AGPAT5: variants seen among roughly 807,000 people sequenced by gnomAD.
AGPAT5 encodes 1-acylglycerol-3-phosphate O-acyltransferase 5.
In AGPAT5, 46 loss-of-function variants were observed where a neutral mutation model predicts 45.6. The ratio of observed to expected loss-of-function variants is 1.01; its 90% CI spans 0.80 to 1.29. The LOEUF is 1.29. Ranked by LOEUF, AGPAT5 falls within the 50% of genes most tolerant of loss-of-function variation. The probability of loss-of-function intolerance (pLI) is 0.00; values close to 1 mark genes in which losing one functional copy is unlikely to be tolerated. For synonymous variants in AGPAT5, 272 were observed against 167.0 expected (o/e 1.63, Z -4.85); for missense variants, 673 against 450.7 (o/e 1.49, Z -4.47).
chr8:6,747,891 G>C, intron 6 of AGPAT5, 63 bp downstream of exon 6: 1 of 1,477,200 alleles, frequency 6.8e-7, no homozygotes. Flanking sequence ...TGTTTATGTA[G>C]AATTCAGTTT....
intron 1 of AGPAT5, among the ~76,000 whole-genome samples, chr8:6,711,914 GGAT>G (rs1800167934): frequency 1.3e-5 from 2 of 152,110 alleles, no homozygotes; most frequent in African/African-American, 4.8e-5. Context: ...GGATATTCCG[GGAT>G]GATCTCTTCA....
Position 6,729,147 on chromosome 8 carries a change from G to C in AGPAT5, c.290-1564G>C, listed in dbSNP as rs958164504. On this transcript the variant is annotated intron_variant, in intron 2 of 7. Coordinates refer to ENST00000285518, the MANE Select transcript of AGPAT5 (RefSeq NM_018361.5). Reference sequence around the variant, plus strand: ...TTAAAAAGAGAGATGTATAATAATGGATAAGAGATTTTTCTTGGTTAATTT... The same window carrying C: ...TTAAAAAGAGAGATGTATAATAATGCATAAGAGATTTTTCTTGGTTAATTT... 2.0e-5 allele frequency among the ~76,000 whole-genome samples: 3 copies of C among 152,124 alleles called. No homozygotes were observed. The South Asian group carries it at 6.2e-4, about 32-fold the overall frequency.
At chr8:6,724,980 A>G (rs1317020867) in intron 2 of AGPAT5, 41 bp downstream of exon 2, 2 of 775,918 alleles carry the variant, frequency 2.6e-6, no homozygotes, top group Non-Finnish European at 3.6e-6. Flanking sequence ...TTTTCTACAG[A>G]TGGCACATGG....
intron 1 of AGPAT5, among the ~76,000 whole-genome samples, chr8:6,716,340 C>G (rs990272293): frequency 2.0e-5 from 3 of 152,030 alleles, no homozygotes; most frequent in Non-Finnish European, 4.4e-5. Flanking sequence ...GGGTGGATCA[C>G]TTGAGGTCAG....
intron 6 of AGPAT5, among the ~76,000 whole-genome samples, chr8:6,749,406 A>G (rs770919482): frequency 3.3e-5 from 5 of 152,224 alleles, no homozygotes; most frequent in Non-Finnish European, 7.3e-5. Context: ...TAAAGTAGAA[A>G]ACTAAGGTGT....
At chr8:6,714,143 A>G (rs967420018) in intron 1 of AGPAT5, among the ~76,000 whole-genome samples, 3 of 152,182 alleles carry the variant, frequency 2.0e-5, no homozygotes, top group Non-Finnish European at 1.5e-5. Flanking sequence ...TCTGATACCT[A>G]TAGTCCTAAC....
intron 5 of AGPAT5, chr8:6,745,275 A>G: frequency 6.5e-6 from 1 of 154,482 alleles, no homozygotes; most frequent in Non-Finnish European, 1.5e-5. Context: ...CCCTGTCTCC[A>G]TCGTTGCCTC....
intron 2 of AGPAT5, among the ~76,000 whole-genome samples, chr8:6,728,624 C>T (rs1309043653): frequency 2.6e-5 from 4 of 152,070 alleles, no homozygotes; most frequent in Non-Finnish European, 5.9e-5. Flanking sequence ...TTTTAAAATT[C>T]TTCCAAATAA....
intron 6 of AGPAT5, among the ~76,000 whole-genome samples, chr8:6,753,891 G>A (rs1470218032): frequency 6.6e-6 from 1 of 152,156 alleles, no homozygotes; most frequent in Admixed American, 6.6e-5. Context: ...CTAAGAGCTC[G>A]ACACTGAAGT....
intron 2 of AGPAT5, 56 bp from the exon 3 acceptor site, chr8:6,730,655 A>T: frequency 9.0e-7 from 1 of 1,112,346 alleles, no homozygotes; most frequent in Non-Finnish European, 1.3e-6. Flanking sequence ...AAGCCCATTC[A>T]TAGTACAACC....
chr8:6,715,796 AG>A (rs1207956503), intron 1 of AGPAT5, among the ~76,000 whole-genome samples: 1 of 152,232 alleles, frequency 6.6e-6, no homozygotes, highest in African/African-American at 2.4e-5. Flanking sequence ...AACTCTTTAA[AG>A]TAACTCTTTG....
chr8:6,739,926 A>T (rs958436020), intron 4 of AGPAT5, among the ~76,000 whole-genome samples: 4 of 151,658 alleles, frequency 2.6e-5, no homozygotes, highest in Non-Finnish European at 5.9e-5. Context: ...CCTTCATCAC[A>T]CCTTGTTCTT....
intron 4 of AGPAT5, among the ~76,000 whole-genome samples, chr8:6,735,929 A>G (rs1310621861): frequency 6.8e-5 from 9 of 132,724 alleles, no homozygotes; most frequent in Non-Finnish European, 1.4e-4. Flanking sequence ...ATCTTGGCTC[A>G]CTGCAACCTC....
Position 6,712,438 on chromosome 8 carries a change from CAATT to C in AGPAT5, c.219+3557_219+3560del, listed in dbSNP as rs541283104. Reference sequence around the variant, plus strand: ...ATTAAAGGTGATATAACTTCTAAGACAATTAATTATGTATGATGTGGTGAATATA... The same window carrying C: ...ATTAAAGGTGATATAACTTCTAAGACAATTATGTATGATGTGGTGAATATA... On this transcript the variant is annotated intron_variant, in intron 1 of 7. Transcript: ENST00000285518. 5.9e-5 allele frequency among the ~76,000 whole-genome samples: 9 copies of C among 151,942 alleles called. No homozygotes were observed. In the East Asian group the frequency reaches 7.7e-4, roughly 13 times the overall value.
At chr8:6,713,707 C>G (rs10095281) in intron 1 of AGPAT5, among the ~76,000 whole-genome samples, 28,109 of 142,648 alleles carry the variant, frequency 0.2, 2,811 homozygotes, top group East Asian at 0.26. Context: ...GTACACAGCA[C>G]CATGCCCAGC....
At chr8:6,731,305 A>T (rs913349189) in intron 3 of AGPAT5, among the ~76,000 whole-genome samples, 3 of 152,136 alleles carry the variant, frequency 2.0e-5, no homozygotes, top group East Asian at 3.9e-4. Context: ...CTGATTATCC[A>T]TATGCGGTTT....
chr8:6,740,835 T>A (rs1366837222), intron 4 of AGPAT5, among the ~76,000 whole-genome samples: 1 of 152,022 alleles, frequency 6.6e-6, no homozygotes, highest in Non-Finnish European at 1.5e-5. Context: ...TTTTCTCCCA[T>A]GAGCTCCTGT....
chr8:6,713,816 G>T (rs1018387820), intron 1 of AGPAT5, among the ~76,000 whole-genome samples: 2 of 152,036 alleles, frequency 1.3e-5, no homozygotes, highest in Non-Finnish European at 2.9e-5. Flanking sequence ...ATCCGTCCTT[G>T]ATCCACCATG....
intron 4 of AGPAT5, chr8:6,738,319 AAT>A (rs1216829938): frequency 6.6e-6 from 1 of 152,176 alleles, no homozygotes; most frequent in African/African-American, 2.4e-5. Flanking sequence ...TGTCTCAGGG[AAT>A]AGGGAAACCC....
Sources: gnomAD v4.1 joint callset for allele counts (sites outside exome capture counted in the v4.1 genomes callset) on GRCh38, gnomAD v4.1.1 for gene constraint, MANE v1.5 for transcripts, NCBI Gene and HGNC (gene_info 2026-07-23, HGNC 2026-07-21) for gene names.